The following SCPEP1 variants were observed in gnomAD, a reference collection of about 807,000 sequenced individuals.
The protein encoded by SCPEP1 is serine carboxypeptidase 1.
SCPEP1 carries 51 observed loss-of-function variants against 63.8 expected under a neutral mutation model. The ratio of observed to expected loss-of-function variants is 0.80; its 90% CI spans 0.64 to 1.01. SCPEP1 has a LOEUF of 1.01. Among genes scored for constraint, SCPEP1 ranks in the 50% least tolerant of loss-of-function variants. The pLI, the probability that SCPEP1 is intolerant of heterozygous loss-of-function variation, is 0.00. For synonymous variants in SCPEP1, 204 were observed against 207.8 expected, an observed-to-expected ratio of 0.98 and a Z score of 0.16; for missense variants, 499 against 554.9, an observed-to-expected ratio of 0.90 and a Z score of 1.01.
chr17:56,996,867 T>C (rs1911580303), intron 8 of SCPEP1, 95 bp from the exon 9 acceptor site: 4 of 730,090 alleles, frequency 5.5e-6, no homozygotes, highest in Non-Finnish European at 8.9e-6. Context: ...ATTAAACCTG[T>C]CCTTGGATAA....
intron 2 of SCPEP1, chr17:56,983,171 A>G (rs1911117128): frequency 6.6e-6 from 1 of 152,280 alleles, no homozygotes; most frequent in Admixed American, 6.5e-5. Context: ...GAGGTTTTAC[A>G]ATAGGATATA....
At chr17:56,981,739 T>C (rs1476552930) in intron 2 of SCPEP1, among the ~76,000 whole-genome samples, 1 of 152,172 alleles carries the variant, frequency 6.6e-6, no homozygotes, top group African/African-American at 2.4e-5. Flanking sequence ...TGAGAATTGC[T>C]TGGACCCGGG....
At chr17:56,995,708 TG>T in intron 8 of SCPEP1, 73 bp downstream of exon 8, 2 of 1,507,568 alleles carry the variant, frequency 1.3e-6, no homozygotes, top group Non-Finnish European at 1.8e-6. Flanking sequence ...TGGTTGGTGT[TG>T]TCAAACTTGG....
chr17:57,002,006 CCTT>C lies in SCPEP1; in HGVS notation c.1133-9_1133-7del, dbSNP rs767852936. 76 of 1,606,516 alleles carry C rather than the reference CCTT, an allele frequency of 4.7e-5. No homozygotes were observed. The highest frequency in any genetic ancestry group is 1.7e-4 in the Middle Eastern group (1 of 6,014). ...GTTAATGCCAGGCCTTTCTCTTTGT[CCTT>C]CTCACCAGGTCAGGAGGCCTGGGTG... On this transcript the variant is annotated splice_polypyrimidine_tract_variant and intron_variant, in intron 11 of 12. Coordinates refer to ENST00000262288, the MANE Select transcript of SCPEP1 (RefSeq NM_021626.3).
At chr17:56,998,327 A>AATT in intron 9 of SCPEP1, 58 bp from the exon 10 acceptor site, 1 of 1,019,016 alleles carries the variant, frequency 9.8e-7, no homozygotes, top group Non-Finnish European at 1.5e-6. Flanking sequence ...AAAAAAAAAG[A>AATT]TGTCCTCTTG....
chr17:56,985,938 G>A (rs1911203406), intron 3 of SCPEP1, among the ~76,000 whole-genome samples: 1 of 151,630 alleles, frequency 6.6e-6, no homozygotes, highest in Admixed American at 6.6e-5. Context: ...TCACCCCTCT[G>A]TGGTCAACTC....
In SCPEP1 at chr17:56,985,562, G is replaced by A. The variant is rs779354014; in HGVS notation, c.315+95G>A. ...GGGGCCACAAATGTAGCAATCCCTC[G>A]CTGTCCTTTTCCTTTTCCTGTGACT... On this transcript the variant is annotated intron_variant, in intron 3 of 12. Coordinates refer to ENST00000262288, the MANE Select transcript of SCPEP1 (RefSeq NM_021626.3). 7 of 913,172 alleles carry A rather than the reference G, an allele frequency of 7.7e-6. 1 individual carries two copies. The highest frequency in any genetic ancestry group is 4.2e-5 in the South Asian group (3 of 72,240). 56.6% of individuals were successfully genotyped at this position (913,172 alleles called of 1,614,324 possible).
At chr17:56,999,463 G>A (rs138528929) in intron 10 of SCPEP1, among the ~76,000 whole-genome samples, 13 of 152,230 alleles carry the variant, frequency 8.5e-5, no homozygotes, top group Non-Finnish European at 1.5e-4. Flanking sequence ...AACCTAAGAG[G>A]GTTTTGTTTC....
rs906167622 is a variant in SCPEP1, at chr17:56,986,076, A to G, written c.315+609A>G. On this transcript the variant is annotated intron_variant, in intron 3 of 12. Transcript: ENST00000262288. ...CACACCCACCCTGGGGCTGCTGCACAGCGTGGGCCCCACTCAGGGCTTGTG... is the reference window on the plus strand; with the variant it reads ...CACACCCACCCTGGGGCTGCTGCACGGCGTGGGCCCCACTCAGGGCTTGTG... Among the ~76,000 whole-genome samples, 9 of 152,194 alleles carry G rather than the reference A, an allele frequency of 5.9e-5. No individual in the cohort carries two copies. The East Asian group carries it at 1.8e-3, about 30-fold the overall frequency.
chr17:56,993,235 T>C lies in SCPEP1; in HGVS notation c.620-1746T>C, dbSNP rs368287340. Among the ~76,000 whole-genome samples the C allele has an allele frequency of 5.9e-5, 9 of 152,284 alleles. 1 individual carries two copies. The highest frequency in any genetic ancestry group is 1.9e-4 in the East Asian group (1 of 5,182). On this transcript the variant is annotated intron_variant, in intron 6 of 12. Coordinates refer to ENST00000262288, the MANE Select transcript of SCPEP1 (RefSeq NM_021626.3). ...TAATTTTTAAATACAATTTCATTTTTTCAGGGGCACTCTCTACACCCAAGT... is the reference window on the plus strand; with the variant it reads ...TAATTTTTAAATACAATTTCATTTTCTCAGGGGCACTCTCTACACCCAAGT...
At chr17:56,987,930 T>C (rs1266615499) in intron 4 of SCPEP1, 80 bp downstream of exon 4, 2 of 1,475,424 alleles carry the variant, frequency 1.4e-6, no homozygotes, top group African/African-American at 2.8e-5. Context: ...CTGAACTGCC[T>C]CCAGAGTTTA....
At chr17:56,985,314 G>A (rs1911182532) in intron 2 of SCPEP1, 64 bp from the exon 3 acceptor site, 1 of 1,186,110 alleles carries the variant, frequency 8.4e-7, no homozygotes, top group Non-Finnish European at 1.3e-6. Context: ...TAGCAAATGT[G>A]GTCATTCATT....
intron 3 of SCPEP1, among the ~76,000 whole-genome samples, chr17:56,985,931 C>A (rs1473153009): frequency 6.6e-6 from 1 of 152,028 alleles, no homozygotes; most frequent in South Asian, 2.1e-4. Flanking sequence ...CCTTCCCTCA[C>A]CCCTCTGTGG....
intron 9 of SCPEP1, among the ~76,000 whole-genome samples, chr17:56,997,368 A>G (rs1911600513): frequency 6.6e-6 from 1 of 152,198 alleles, no homozygotes; most frequent in South Asian, 2.1e-4. Flanking sequence ...ATTTTATATA[A>G]ATACAATCGC....
At chr17:56,994,539 AGCTCCTT>A (rs1164937128) in intron 6 of SCPEP1, among the ~76,000 whole-genome samples, 1 of 152,238 alleles carries the variant, frequency 6.6e-6, no homozygotes, top group African/African-American at 2.4e-5. Context: ...TTCCTTATTT[AGCTCCTT>A]GGCAGAAGCT....
At chr17:56,988,331 A>G (rs777666771) in intron 5 of SCPEP1, 41 bp downstream of exon 5, 5 of 1,478,938 alleles carry the variant, frequency 3.4e-6, no homozygotes, top group Non-Finnish European at 4.7e-6. Flanking sequence ...TTGGACAGAA[A>G]ATCAATTATG....
intron 11 of SCPEP1, 40 bp downstream of exon 11, chr17:57,001,032 T>C (rs1911726504): frequency 1.2e-6 from 2 of 1,609,380 alleles, no homozygotes; most frequent in South Asian, 2.2e-5. Flanking sequence ...GGCAGTTTTA[T>C]GGGTTCAACT....
intron 8 of SCPEP1, 73 bp downstream of exon 8, chr17:56,995,708 T>C: frequency 6.6e-7 from 1 of 1,507,572 alleles, no homozygotes; most frequent in Non-Finnish European, 8.9e-7. Flanking sequence ...TGGTTGGTGT[T>C]GTCAAACTTG....
chr17:56,981,004 T>C, intron 1 of SCPEP1, 78 bp from the exon 2 acceptor site: 1 of 1,506,638 alleles, frequency 6.6e-7, no homozygotes, highest in African/African-American at 1.4e-5. Context: ...TAGCCTAGCA[T>C]GGCTGTCTCT....
Sources: allele counts gnomAD v4.1 joint callset (sites outside exome capture counted in the v4.1 genomes callset), GRCh38; gene constraint gnomAD v4.1.1; transcripts MANE v1.5; gene names NCBI Gene and HGNC (gene_info 2026-07-23, HGNC 2026-07-21).